The following IGDCC3 variants were observed in gnomAD, a reference collection of about 807,000 sequenced individuals.
The protein encoded by IGDCC3 is immunoglobulin superfamily DCC subclass member 3, also known as putative neuronal cell adhesion molecule.
IGDCC3 carries 47 observed loss-of-function variants against 72.0 expected under a neutral mutation model. That is an observed-to-expected ratio of 0.65 (90% confidence interval 0.52 to 0.83). The LOEUF (loss-of-function observed/expected upper bound fraction) is 0.83. Among genes scored for constraint, IGDCC3 ranks in the 40% least tolerant of loss-of-function variants. The probability of loss-of-function intolerance (pLI) is 0.00; values close to 1 mark genes in which losing one functional copy is unlikely to be tolerated. For missense variants in IGDCC3, 1,038 were observed against 1,091.3 expected (o/e 0.95, Z 0.69); for synonymous variants, 477 against 472.8 (o/e 1.01, Z -0.11).
In IGDCC3 at chr15:65,369,273, G is replaced by A. The variant is rs560264191; in HGVS notation, c.409+5824C>T. On this transcript the variant is annotated intron_variant, in intron 2 of 13. Transcript: ENST00000327987. ...GATGGAAGGAAGCCTTCGTACCCCA[G>A]AGCAGAGGTGAGCCTCAGTCCAACC... Among the ~76,000 whole-genome samples the A allele has an allele frequency of 4.6e-5, 7 of 152,278 alleles. No homozygotes were observed. The East Asian group carries it at 1.2e-3, about 25-fold the overall frequency.
intron 2 of IGDCC3, among the ~76,000 whole-genome samples, chr15:65,347,120 G>A (rs1038626826): frequency 2.8e-4 from 43 of 152,160 alleles, no homozygotes; most frequent in African/African-American, 9.9e-4. Context: ...TCAGGACACC[G>A]GATCTCCCTC....
chr15:65,337,598 G>A (rs908064301), intron 2 of IGDCC3, among the ~76,000 whole-genome samples: 4 of 152,268 alleles, frequency 2.6e-5, no homozygotes, highest in Non-Finnish European at 4.4e-5. Flanking sequence ...GGGCCTTCCC[G>A]GCCTCAGGCC....
At chr15:65,347,580 A>C (rs1309316153) in intron 2 of IGDCC3, among the ~76,000 whole-genome samples, 1 of 152,176 alleles carries the variant, frequency 6.6e-6, no homozygotes, top group Non-Finnish European at 1.5e-5. Flanking sequence ...AGGCATTCTA[A>C]GTCAAAGGAT....
chr15:65,332,017 G>A lies in IGDCC3; in HGVS notation c.1072C>T (p.Pro358Ser). ...TTTTTCAGCCACGTGACATGAGGCGGTGGCTCACCCTGGGCTTGGCAGGTG... is the reference window on the plus strand; with the variant it reads ...TTTTTCAGCCACGTGACATGAGGCGATGGCTCACCCTGGGCTTGGCAGGTG... Reference protein sequence around the residue: ...MFTCQAQGEPPPHVTWLKNGQ... With the variant: ...MFTCQAQGEPSPHVTWLKNGQ... Residue 358 changes from proline (P) to serine (S), a missense_variant, in exon 7 of 14, where the codon CCG (proline) becomes TCG (serine). By Grantham distance (74) the Pro-to-Ser change is moderately conservative. Transcript: ENST00000327987. 1 of 1,614,206 alleles carries A rather than the reference G, an allele frequency of 6.2e-7. No individual in the cohort carries two copies. Among genetic ancestry groups the A allele is most frequent in the South Asian group, 1.1e-5 (1 of 91,080 alleles).
intron 5 of IGDCC3, 101 bp downstream of exon 5, chr15:65,334,627 G>T: frequency 9.2e-7 from 1 of 1,085,066 alleles, no homozygotes; most frequent in Non-Finnish European, 1.3e-6. Flanking sequence ...AGAACAAACA[G>T]GATTCCACAT....
intron 1 of IGDCC3, among the ~76,000 whole-genome samples, chr15:65,376,452 C>T (rs1310610865): frequency 6.6e-6 from 1 of 152,246 alleles, no homozygotes; most frequent in Non-Finnish European, 1.5e-5. Context: ...ATGGCAGTCA[C>T]AGACCCCTCC....
intron 2 of IGDCC3, among the ~76,000 whole-genome samples, chr15:65,361,432 A>G (rs2091260465): frequency 6.6e-6 from 1 of 151,584 alleles, no homozygotes; most frequent in East Asian, 1.9e-4. Flanking sequence ...AACCAGGATG[A>G]CAGAGCAAGA....
At chr15:65,334,965 A>G in intron 4 of IGDCC3, 100 bp from the exon 5 acceptor site, 2 of 1,360,594 alleles carry the variant, frequency 1.5e-6, no homozygotes, top group Non-Finnish European at 2.0e-6. Flanking sequence ...AACAAACACC[A>G]GCCCAGAAAC....
At chr15:65,366,610 G>T (rs529150970) in intron 2 of IGDCC3, among the ~76,000 whole-genome samples, 1 of 152,266 alleles carries the variant, frequency 6.6e-6, no homozygotes, top group African/African-American at 2.4e-5. Context: ...AGAGAAGGGC[G>T]GGTGGAGCCC....
chr15:65,353,022 T>G (rs1312269235), intron 2 of IGDCC3, among the ~76,000 whole-genome samples: 1 of 152,218 alleles, frequency 6.6e-6, no homozygotes, highest in Non-Finnish European at 1.5e-5. Flanking sequence ...TATTCCAATT[T>G]TGGGCACATT....
intron 2 of IGDCC3, among the ~76,000 whole-genome samples, chr15:65,348,486 C>T (rs1392934952): frequency 1.3e-5 from 2 of 152,086 alleles, no homozygotes; most frequent in African/African-American, 2.4e-5. Context: ...ATGGAAGGGA[C>T]GATACCGAGG....
intron 2 of IGDCC3, among the ~76,000 whole-genome samples, chr15:65,350,751 G>A (rs1231774908): frequency 1.3e-5 from 2 of 152,172 alleles, no homozygotes; most frequent in South Asian, 2.1e-4. Flanking sequence ...CATGAGCCAT[G>A]GTACCCGACC....
Position 65,329,837 on chromosome 15 carries a change from T to C in IGDCC3, c.1886A>G (p.Lys629Arg). 6.2e-7 allele frequency: 1 copy of C among 1,614,062 alleles called. No individual in the cohort carries two copies. The highest frequency in any genetic ancestry group is 8.5e-7 in the Non-Finnish European group (1 of 1,180,016). Residue 629 changes from lysine to arginine, a missense_variant, in exon 12 of 14, where the codon AAG becomes AGG. Physicochemically the swap from Lys to Arg is conservative, Grantham distance 26 (BLOSUM62 2). Coordinates refer to ENST00000327987, the MANE Select transcript of IGDCC3 (RefSeq NM_004884.4). The surrounding 1 kb of genome is among the most constrained non-coding windows in gnomAD (Gnocchi z 4.1). Reference sequence around the variant, plus strand: ...GGACGTCTGGTTGGCGGCCTCCTCCTTCCGGCAGTCACATGGTGGGCTCAA... The same window carrying C: ...GGACGTCTGGTTGGCGGCCTCCTCCCTCCGGCAGTCACATGGTGGGCTCAA... ...TALSPPCDCR[K>R]EEAANQTSTT...
chr15:65,328,888 C>T lies in IGDCC3; in HGVS notation c.*21G>A, dbSNP rs1449270692. ...GAATGGGCCCCGCTCCGTCCACCCT[C>T]TGGAGCCTGCCAGACACTGGCTACT... On this transcript the variant is annotated 3_prime_UTR_variant, in exon 14 of 14. Coordinates refer to ENST00000327987, the MANE Select transcript of IGDCC3 (RefSeq NM_004884.4). 6.6e-7 allele frequency: 1 copy of T among 1,513,358 alleles called. No homozygotes were observed. Among genetic ancestry groups the T allele is most frequent in the Non-Finnish European group, 8.8e-7 (1 of 1,134,000 alleles). The allele number at this position is 1,513,358 out of a possible 1,614,324, so 93.7% of individuals were successfully genotyped here. A position where few individuals can be genotyped will look rare whatever the true frequency, so the allele number is the denominator to read the frequency against.
chr15:65,365,728 A>C (rs2091285538), intron 2 of IGDCC3, among the ~76,000 whole-genome samples: 1 of 151,662 alleles, frequency 6.6e-6, no homozygotes, highest in South Asian at 2.1e-4. Flanking sequence ...CAGAAATCCC[A>C]CTCTAGACAA....
intron 5 of IGDCC3, among the ~76,000 whole-genome samples, chr15:65,334,271 C>T (rs2141035209): frequency 6.6e-6 from 1 of 152,032 alleles, no homozygotes; most frequent in Non-Finnish European, 1.5e-5. Flanking sequence ...GGCTGGGGGA[C>T]TTAGGGGGCC....
chr15:65,339,169 C>T lies in IGDCC3; in HGVS notation c.410-3213G>A, dbSNP rs1016201836. Among the ~76,000 whole-genome samples, 1 of 152,228 alleles carries T rather than the reference C, an allele frequency of 6.6e-6. No homozygotes were observed. The highest frequency in any genetic ancestry group is 1.5e-5 in the Non-Finnish European group (1 of 68,036). ...TGATCTCAGCTCACCGCAAGCTCCGCCTCCCAGGCTTAAGCAACTCTCCTG... is the reference window on the plus strand; with the variant it reads ...TGATCTCAGCTCACCGCAAGCTCCGTCTCCCAGGCTTAAGCAACTCTCCTG... On this transcript the variant is annotated intron_variant, in intron 2 of 13. Transcript: ENST00000327987. This position sits in a 1 kb window ranked among gnomAD's most constrained non-coding sequence, Gnocchi z 4.1.
At chr15:65,370,516 AT>A (rs56352073) in intron 2 of IGDCC3, among the ~76,000 whole-genome samples, 66,331 of 102,894 alleles carry the variant, frequency 0.64, 18,277 homozygotes, top group East Asian at 0.78. Context: ...CAAAAAAAAA[AT>A]ATATATATAT....
intron 4 of IGDCC3, 145 bp from the exon 5 acceptor site, chr15:65,335,010 G>C: frequency 2.9e-6 from 3 of 1,027,072 alleles, no homozygotes; most frequent in South Asian, 3.4e-5. Context: ...CAGGAGACCA[G>C]GACGTTCCAG....
Sources: allele counts gnomAD v4.1 joint callset (sites outside exome capture counted in the v4.1 genomes callset), GRCh38; gene constraint gnomAD v4.1.1; non-coding constraint Gnocchi (gnomAD v3.1); transcripts MANE v1.5; gene names NCBI Gene and HGNC (gene_info 2026-07-23, HGNC 2026-07-21).